The following DCLK1 variants were observed in gnomAD, a reference collection of about 807,000 sequenced individuals.
The protein encoded by DCLK1 is serine/threonine-protein kinase DCLK1.
Under a neutral mutation model 86.2 loss-of-function variants are expected in DCLK1, and 16 were observed. The observed-to-expected ratio is 0.19, with a 90% CI of 0.13 to 0.28. The LOEUF is 0.28. DCLK1 is among the 10% of genes least tolerant of loss of function. The pLI is 1.00. For missense variants in DCLK1, 590 were observed against 940.2 expected, an observed-to-expected ratio of 0.63 and a Z score of 4.87; for synonymous variants, 369 against 370.5, an observed-to-expected ratio of 1.00 and a Z score of 0.05.
In DCLK1 at chr13:35,805,748, A is replaced by G. The variant is rs1398840362; in HGVS notation, c.1895T>C (p.Val632Ala). Residue 632 changes from valine (V) to alanine (A), a missense_variant, in exon 15 of 17, where the codon GTA becomes GCA. Transcript: ENST00000360631. Reference sequence around the variant, plus strand: ...TTGAACAGCAGAAAATCGCTGATCTACATCGACCAACAGCATCATGGTAAT... The same window carrying G: ...TTGAACAGCAGAAAATCGCTGATCTGCATCGACCAACAGCATCATGGTAAT... ...ELITMMLLVD[V>A]DQRFSAVQVL... 1 of 1,613,890 alleles carries G rather than the reference A, an allele frequency of 6.2e-7. No homozygotes were observed. Among genetic ancestry groups the G allele is most frequent in the Non-Finnish European group, 8.5e-7 (1 of 1,179,908 alleles).
chr13:36,090,330 G>C (rs1593880439), intron 3 of DCLK1, among the ~76,000 whole-genome samples: 1 of 152,162 alleles, frequency 6.6e-6, no homozygotes, highest in African/African-American at 2.4e-5. Context: ...TACCCCCGAG[G>C]AGCCCTTCTT....
chr13:35,935,704 G>T (rs1482878652), intron 4 of DCLK1, among the ~76,000 whole-genome samples: 1 of 152,194 alleles, frequency 6.6e-6, no homozygotes, highest in African/African-American at 2.4e-5. Flanking sequence ...AGGAGTCAGG[G>T]TTAGAGATGT....
chr13:35,962,990 A>G (rs1245145847), intron 3 of DCLK1, among the ~76,000 whole-genome samples: 1 of 152,218 alleles, frequency 6.6e-6, no homozygotes, highest in Admixed American at 6.5e-5. Flanking sequence ...AAGCTTTTAT[A>G]GGACACCTCC....
intron 3 of DCLK1, among the ~76,000 whole-genome samples, chr13:35,968,231 G>A (rs1159123531): frequency 6.6e-6 from 1 of 152,180 alleles, no homozygotes; most frequent in African/African-American, 2.4e-5. Context: ...AGGGGCTGGA[G>A]TGAGGAGGAA....
chr13:35,775,514 TG>T (rs893824133), intron 16 of DCLK1, among the ~76,000 whole-genome samples: 1 of 152,112 alleles, frequency 6.6e-6, no homozygotes, highest in African/African-American at 2.4e-5. Context: ...GACATCAGAA[TG>T]GGGGACAGCA....
chr13:35,904,073 T>G (rs554015229), intron 4 of DCLK1, among the ~76,000 whole-genome samples: 76 of 152,120 alleles, frequency 5.0e-4, no homozygotes, highest in Non-Finnish European at 1.0e-3. Context: ...AGTTTAAAGC[T>G]GTGTGTTATG....
At chr13:35,806,058 G>A (rs888111251) in intron 14 of DCLK1, among the ~76,000 whole-genome samples, 2 of 152,064 alleles carry the variant, frequency 1.3e-5, no homozygotes, top group Non-Finnish European at 2.9e-5. Context: ...AATTATACAA[G>A]TTAAGGAATT....
chr13:36,123,620 ATTTC>A (rs1330073320), intron 2 of DCLK1, among the ~76,000 whole-genome samples: 1 of 152,228 alleles, frequency 6.6e-6, no homozygotes, highest in Non-Finnish European at 1.5e-5. Flanking sequence ...TAACTCTACC[ATTTC>A]TTTCTTTGTG....
chr13:36,014,432 TA>T (rs926676839), intron 3 of DCLK1, among the ~76,000 whole-genome samples: 6 of 152,170 alleles, frequency 3.9e-5, no homozygotes, highest in Non-Finnish European at 7.4e-5. Context: ...TTACAGCCGA[TA>T]AAAACTGTTT....
intron 3 of DCLK1, among the ~76,000 whole-genome samples, chr13:36,048,217 T>C (rs1022715323): frequency 6.6e-6 from 1 of 152,174 alleles, no homozygotes; most frequent in Non-Finnish European, 1.5e-5. Context: ...GCATTGGATA[T>C]ATGCTAAAAC....
intron 5 of DCLK1, among the ~76,000 whole-genome samples, chr13:35,858,338 A>G: frequency 6.6e-6 from 1 of 152,180 alleles, no homozygotes; most frequent in East Asian, 1.9e-4. Flanking sequence ...AAGGACAGAG[A>G]GTTTGGACAC....
chr13:35,930,154 C>T (rs1593742569), intron 4 of DCLK1, among the ~76,000 whole-genome samples: 1 of 152,172 alleles, frequency 6.6e-6, no homozygotes, highest in South Asian at 2.1e-4. Context: ...ATTTAACTTT[C>T]CAGAACATTT....
intron 3 of DCLK1, among the ~76,000 whole-genome samples, chr13:36,064,462 C>T (rs530536421): frequency 6.6e-6 from 1 of 151,976 alleles, no homozygotes. Flanking sequence ...AGATCGAGAC[C>T]ATCCTGGCCA....
intron 4 of DCLK1, among the ~76,000 whole-genome samples, chr13:35,939,098 T>C (rs1237532230): frequency 1.3e-5 from 2 of 152,194 alleles, no homozygotes; most frequent in Non-Finnish European, 2.9e-5. Context: ...TTCATATTTA[T>C]GCATGAGCTA....
chr13:35,832,945 A>G (rs1221829195), intron 8 of DCLK1, among the ~76,000 whole-genome samples: 1 of 152,220 alleles, frequency 6.6e-6, no homozygotes, highest in Non-Finnish European at 1.5e-5. Context: ...TCTGATGGAA[A>G]TGCTTTCAAA....
chr13:35,811,342 A>G (rs1490541262), intron 11 of DCLK1, among the ~76,000 whole-genome samples: 1 of 152,136 alleles, frequency 6.6e-6, no homozygotes, highest in African/African-American at 2.4e-5. Context: ...ACATACAAAA[A>G]AAAAAGAAAA....
At chr13:35,835,926 AT>A in intron 8 of DCLK1, 106 bp downstream of exon 8, 2 of 848,912 alleles carry the variant, frequency 2.4e-6, no homozygotes, top group South Asian at 3.9e-5. Context: ...GGGTTGAGAC[AT>A]TAACTTATTC....
At chr13:36,000,239 C>T (rs763287693) in intron 3 of DCLK1, among the ~76,000 whole-genome samples, 1 of 152,156 alleles carries the variant, frequency 6.6e-6, no homozygotes, top group South Asian at 2.1e-4. Flanking sequence ...TGGGCACTTA[C>T]TCTCTACTGT....
intron 4 of DCLK1, among the ~76,000 whole-genome samples, chr13:35,927,565 C>T (rs1876194917): frequency 6.6e-6 from 1 of 152,188 alleles, no homozygotes; most frequent in Admixed American, 6.5e-5. Context: ...ATATCCTCCC[C>T]CAGATCTTGA....
Sources: gnomAD v4.1 joint callset for allele counts (sites outside exome capture counted in the v4.1 genomes callset) on GRCh38, gnomAD v4.1.1 for gene constraint, MANE v1.5 for transcripts, NCBI Gene and HGNC (gene_info 2026-07-23, HGNC 2026-07-21) for gene names.